The following COL26A1 variants were observed in gnomAD, a reference collection of about 807,000 sequenced individuals.
The protein encoded by COL26A1 is collagen type XXVI alpha 1 chain, also known as collagen alpha-1(XXVI) chain.
A neutral mutation model predicts 59.3 loss-of-function variants in COL26A1; 41 were observed. The observed-to-expected ratio is 0.69, with a 90% CI of 0.54 to 0.90. The LOEUF (loss-of-function observed/expected upper bound fraction) is 0.90. COL26A1 is among the 40% of genes least tolerant of loss of function. The pLI, the probability that COL26A1 is intolerant of heterozygous loss-of-function variation, is 0.00. For missense variants in COL26A1, 612 were observed against 602.3 expected, an observed-to-expected ratio of 1.02 and a Z score of -0.17; for synonymous variants, 266 against 256.0, an observed-to-expected ratio of 1.04 and a Z score of -0.37.
chr7:101,421,849 A>G (rs1247157298), intron 2 of COL26A1, among the ~76,000 whole-genome samples: 1 of 152,146 alleles, frequency 6.6e-6, no homozygotes, highest in Non-Finnish European at 1.5e-5. Flanking sequence ...TGCTTGCAAC[A>G]GTTAATGCTA....
rs180852596 is a variant in COL26A1 at position 101,495,819 on chromosome 7, C to T, written c.386-37263C>T. On this transcript the variant is annotated intron_variant, in intron 3 of 12. Transcript: ENST00000313669. ...ACCAGAAACGTGGCTCAAGGCCGGG[C>T]GCAGTGGCTCACACCTGTAAGCCCA... 2.1e-3 allele frequency among the ~76,000 whole-genome samples: 319 copies of T among 151,392 alleles called. 2 individuals carry two copies. Among genetic ancestry groups the T allele is most frequent in the African/African-American group, 7.0e-3 (289 of 41,330 alleles).
intron 3 of COL26A1, among the ~76,000 whole-genome samples, chr7:101,500,431 A>T (rs1261033868): frequency 6.6e-6 from 1 of 151,876 alleles, no homozygotes; most frequent in Non-Finnish European, 1.5e-5. Flanking sequence ...TTTGGAGACC[A>T]CCTCCCAACT....
At chr7:101,471,475 C>G (rs932254343) in intron 3 of COL26A1, among the ~76,000 whole-genome samples, 2 of 151,584 alleles carry the variant, frequency 1.3e-5, no homozygotes, top group African/African-American at 4.9e-5. Context: ...AGGCTATCCT[C>G]AGAAAGCAGA....
At chr7:101,410,060 A>G (rs1399846416) in intron 1 of COL26A1, among the ~76,000 whole-genome samples, 1 of 152,100 alleles carries the variant, frequency 6.6e-6, no homozygotes, top group Non-Finnish European at 1.5e-5. Context: ...GCACCTGGCC[A>G]GAGGCTAGGG....
At chr7:101,525,366 A>C (rs1795221604) in intron 3 of COL26A1, among the ~76,000 whole-genome samples, 1 of 151,388 alleles carries the variant, frequency 6.6e-6, no homozygotes, top group Non-Finnish European at 1.5e-5. Flanking sequence ...TATTTTTAAT[A>C]GAAACGGGGT....
At chr7:101,528,706 C>T (rs1795303103) in intron 3 of COL26A1, among the ~76,000 whole-genome samples, 1 of 152,052 alleles carries the variant, frequency 6.6e-6, no homozygotes, top group Non-Finnish European at 1.5e-5. Flanking sequence ...CACCACCATG[C>T]CTGGCTAACT....
chr7:101,489,617 C>CTT (rs1337162234), intron 3 of COL26A1, among the ~76,000 whole-genome samples: 1 of 52,542 alleles, frequency 1.9e-5, no homozygotes, highest in African/African-American at 2.1e-4. Flanking sequence ...TTCTTTCTTT[C>CTT]TTTCTTTCTT....
At chr7:101,363,689 A>C (rs10261787) in intron 1 of COL26A1, among the ~76,000 whole-genome samples, 6,237 of 151,134 alleles carry the variant, frequency 0.041, 261 homozygotes, top group African/African-American at 0.096. Context: ...GGCCGCGCCC[A>C]CCCTGTCCCT....
At chr7:101,409,372 A>G (rs1792194213) in intron 1 of COL26A1, among the ~76,000 whole-genome samples, 1 of 152,182 alleles carries the variant, frequency 6.6e-6, no homozygotes, top group Admixed American at 6.5e-5. Context: ...GAGAAGACTG[A>G]GTTTCAAGGC....
chr7:101,415,844 G>A (rs1792358868), intron 1 of COL26A1, among the ~76,000 whole-genome samples: 1 of 151,786 alleles, frequency 6.6e-6, no homozygotes, highest in East Asian at 2.0e-4. Context: ...TGTTGCCCAG[G>A]TTAGTCTGGA....
intron 3 of COL26A1, among the ~76,000 whole-genome samples, chr7:101,450,022 G>A (rs1793291453): frequency 6.6e-6 from 1 of 151,804 alleles, no homozygotes; most frequent in Non-Finnish European, 1.5e-5. Context: ...TACTTGGGAG[G>A]CTGAGGCAGA....
chr7:101,536,795 C>T (rs2130647551), intron 4 of COL26A1, among the ~76,000 whole-genome samples: 1 of 152,300 alleles, frequency 6.6e-6, no homozygotes, highest in East Asian at 1.9e-4. Context: ...GTTTGGTGTC[C>T]AAAGAAGCCA....
intron 3 of COL26A1, among the ~76,000 whole-genome samples, chr7:101,489,608 T>C (rs1055141562): frequency 1.0e-4 from 4 of 39,840 alleles, no homozygotes; most frequent in African/African-American, 2.7e-4. Context: ...TCTTTTTCTT[T>C]CTTTCTTTCT....
intron 1 of COL26A1, among the ~76,000 whole-genome samples, chr7:101,407,838 C>T (rs1435094689): frequency 6.6e-6 from 1 of 152,030 alleles, no homozygotes; most frequent in Non-Finnish European, 1.5e-5. Context: ...AAGTTATCAC[C>T]CGGAAGTTAC....
chr7:101,538,877 G>C, intron 4 of COL26A1, among the ~76,000 whole-genome samples: 1 of 152,318 alleles, frequency 6.6e-6, no homozygotes. Flanking sequence ...GTGCACCATG[G>C]ACTCTCAGCT....
intron 1 of COL26A1, among the ~76,000 whole-genome samples, chr7:101,368,902 A>G (rs879800498): frequency 0.58 from 87,283 of 151,190 alleles, 26,780 homozygotes; most frequent in African/African-American, 0.8. Flanking sequence ...AACTCACTCA[A>G]AATCTGGCTC....
chr7:101,525,721 C>T (rs145445871), intron 3 of COL26A1, among the ~76,000 whole-genome samples: 2,599 of 152,178 alleles, frequency 0.017, 79 homozygotes, highest in African/African-American at 0.058. Flanking sequence ...TGGTCTCGAT[C>T]TCCTGACCTC....
chr7:101,421,652 A>G (rs76033622), intron 2 of COL26A1, among the ~76,000 whole-genome samples: 1 of 98,310 alleles, frequency 1.0e-5, no homozygotes, highest in Admixed American at 1.0e-4. Context: ...TCCAGCCTGG[A>G]AAAAAAAAAA....
rs377202948 is a variant in COL26A1, at chr7:101,463,903, T to TTCTTTCTTTC, written c.385+16117_385+16118insCTTTCTTTCT. ...TTTCTTTCTTTCTTTCTTTCTTTCT[T>TTCTTTCTTTC]TTTCTTTCTCTCTTTCTTTCTTCTT... On this transcript the variant is annotated intron_variant, in intron 3 of 12. Coordinates refer to ENST00000313669, the MANE Select transcript of COL26A1 (RefSeq NM_001278563.3). Among the ~76,000 whole-genome samples, 335 of 49,936 alleles carry TTCTTTCTTTC rather than the reference T, an allele frequency of 6.7e-3. 5 individuals carry two copies. The highest frequency in any genetic ancestry group is 0.021 in the African/African-American group (309 of 14,374). 32.8% of individuals were successfully genotyped at this position (49,936 alleles called of 152,430 possible). A position where few individuals can be genotyped will look rare whatever the true frequency, so the allele number is the denominator to read the frequency against.
Sources: allele counts gnomAD v4.1 joint callset (sites outside exome capture counted in the v4.1 genomes callset), GRCh38; gene constraint gnomAD v4.1.1; transcripts MANE v1.5; gene names NCBI Gene and HGNC (gene_info 2026-07-23, HGNC 2026-07-21).